Variants in ADCK2 observed in about 807,000 individuals in gnomAD.
ADCK2 encodes uncharacterized aarF domain-containing protein kinase 2.
Under a neutral mutation model 52.3 loss-of-function variants are expected in ADCK2, and 37 were observed. That is an observed-to-expected ratio of 0.71 (90% CI 0.54 to 0.93). ADCK2 has a LOEUF of 0.93. Among genes scored for constraint, ADCK2 ranks in the 40% least tolerant of loss-of-function variants. The probability of loss-of-function intolerance (pLI) is 0.00; values close to 1 mark genes in which losing one functional copy is unlikely to be tolerated. For synonymous variants in ADCK2, 321 were observed against 349.2 expected, an observed-to-expected ratio of 0.92 and a Z score of 0.90; for missense variants, 695 against 798.7, an observed-to-expected ratio of 0.87 and a Z score of 1.56.
intron 4 of ADCK2, among the ~76,000 whole-genome samples, chr7:140,683,131 T>G (rs1794546573): frequency 6.6e-6 from 1 of 151,556 alleles, no homozygotes; most frequent in South Asian, 2.1e-4. Flanking sequence ...TGAAACCCTG[T>G]CTCTACTAAA....
rs774097144 is a variant in ADCK2 at position 140,674,103 on chromosome 7, G to C, written c.773G>C (p.Gly258Ala). 1 of 1,614,166 alleles carries C rather than the reference G, an allele frequency of 6.2e-7. No homozygotes were observed. The highest frequency in any genetic ancestry group is 1.1e-5 in the South Asian group (1 of 91,078). ...CTGAGAGAGCTCTTTGGATACCTTG[G>C]AAATGGCCGGAAACCTCCAGAAAAT... ...GGLRELFGYLGNGRKPPENLA... is the reference protein window; with the variant it reads ...GGLRELFGYLANGRKPPENLA... The change falls in exon 1 of 8, where the codon GGA becomes GCA. Residue 258 changes from glycine (G) to alanine (A), a missense_variant. Transcript: ENST00000072869. This position sits in a 1 kb window ranked among gnomAD's most constrained non-coding sequence, Gnocchi z 4.6.
At chr7:140,675,045 T>C (rs553678551) in intron 2 of ADCK2, among the ~76,000 whole-genome samples, 36 of 152,002 alleles carry the variant, frequency 2.4e-4, no homozygotes, top group Non-Finnish European at 7.4e-5. Context: ...GAGTTCGAGA[T>C]CAGCCTGGCC....
At chr7:140,691,292 C>T (rs906045911) in intron 7 of ADCK2, among the ~76,000 whole-genome samples, 1 of 152,212 alleles carries the variant, frequency 6.6e-6, no homozygotes, top group African/African-American at 2.4e-5. Context: ...AGCTGTTAGT[C>T]TATCTGTCAA....
At chr7:140,689,410 C>CG (rs1164836260) in intron 5 of ADCK2, among the ~76,000 whole-genome samples, 187 bp from the exon 6 acceptor site, 8 of 151,870 alleles carry the variant, frequency 5.3e-5, no homozygotes, top group Non-Finnish European at 1.0e-4. Context: ...CGCAGTGCAG[C>CG]GGGGGTGGGG....
In ADCK2 at chr7:140,679,352, C is replaced by T. The variant is rs572399412; in HGVS notation, c.1209+69C>T. 358 of 1,587,292 alleles carry T rather than the reference C, an allele frequency of 2.3e-4. 2 individuals are homozygous for T. In the South Asian group the frequency reaches 3.7e-3, roughly 16 times the overall value. On this transcript the variant is annotated intron_variant, in intron 3 of 7. Coordinates refer to ENST00000072869, the MANE Select transcript of ADCK2 (RefSeq NM_052853.4). The stretch of plus-strand genomic sequence containing the variant: ...TCGCAGTGGGCCCGTCTCCAGCCCA[C>T]AGAAAGGCTTCAGTCTGGAGAGAGG...
In ADCK2 at chr7:140,673,666, C is replaced by T. The variant is rs746111120; in HGVS notation, c.336C>T (p.Pro112=). ...GCGCTCTGTTGGTGAAATTCTTCCC[C>T]CTCCTACTCCTCTACCCCCTCACCT... is the stretch of plus-strand genomic sequence containing the variant. ...RAGALLVKFF[P]LLLLYPLTYL... is the part of the protein sequence containing the mutation. The change falls in exon 1 of 8, where the codon CCC becomes CCT. Residue 112 remains proline, a synonymous_variant. Transcript: ENST00000072869. The surrounding 1 kb of genome is among the most constrained non-coding windows in gnomAD (Gnocchi z 6.4). The T allele has an allele frequency of 6.2e-7, 1 of 1,611,232 alleles. No individual in the cohort carries two copies. The highest frequency in any genetic ancestry group is 1.7e-5 in the Admixed American group (1 of 60,014).
intron 4 of ADCK2, among the ~76,000 whole-genome samples, chr7:140,686,147 G>A (rs1157100503): frequency 1.3e-5 from 2 of 152,230 alleles, no homozygotes; most frequent in Non-Finnish European, 2.9e-5. Context: ...AAAGAACATA[G>A]AGGTTTGGGG....
chr7:140,692,639 G>A (rs964316235), intron 7 of ADCK2, among the ~76,000 whole-genome samples: 1 of 152,236 alleles, frequency 6.6e-6, no homozygotes, highest in Non-Finnish European at 1.5e-5. Context: ...GATGACAGGC[G>A]TGAGCCACCG....
At chr7:140,677,493 A>G (rs1794440122) in intron 2 of ADCK2, among the ~76,000 whole-genome samples, 1 of 151,880 alleles carries the variant, frequency 6.6e-6, no homozygotes, top group East Asian at 1.9e-4. Context: ...TAGGTCTGTG[A>G]TAGTTGCATC....
chr7:140,674,649 C>T lies in ADCK2; in HGVS notation c.972C>T (p.Asp324=). ...GCCTGCTCGCTCAGGTGCATATGGACCTGCTGCTGATGAAGATTGGCAGCC... is the reference window on the plus strand; with the variant it reads ...GCCTGCTCGCTCAGGTGCATATGGATCTGCTGCTGATGAAGATTGGCAGCC... The part of the protein sequence containing the change: ...HPGLLAQVHM[D]LLLMKIGSRV... Residue 324 remains aspartate (D), a synonymous_variant, in exon 2 of 8, where the codon GAC becomes GAT. Coordinates refer to ENST00000072869, the MANE Select transcript of ADCK2 (RefSeq NM_052853.4). The surrounding 1 kb of genome is among the most constrained non-coding windows in gnomAD (Gnocchi z 4.6). The T allele has an allele frequency of 1.2e-6, 2 of 1,614,066 alleles. No homozygotes were observed. The highest frequency in any genetic ancestry group is 1.7e-6 in the Non-Finnish European group (2 of 1,179,994).
At position 140,678,675 on chromosome 7, in the gene ADCK2, G is replaced by A. The variant is rs1794464252; in HGVS notation, c.1081-480G>A. ...GATAAACCTGGAAGTGGTCCTTTGGGTCTGGTGAGTGGTGGTTGGGGAGAG... is the reference window on the plus strand; with the variant it reads ...GATAAACCTGGAAGTGGTCCTTTGGATCTGGTGAGTGGTGGTTGGGGAGAG... On this transcript the variant is annotated intron_variant, in intron 2 of 7. Transcript: ENST00000072869. This position sits in a 1 kb window ranked among gnomAD's most constrained non-coding sequence, Gnocchi z 4.9. Among the ~76,000 whole-genome samples, 2 of 152,212 alleles carry A rather than the reference G, an allele frequency of 1.3e-5. No individual in the cohort carries two copies. The highest frequency in any genetic ancestry group is 4.1e-4 in the South Asian group (2 of 4,836).
Position 140,685,260 on chromosome 7 carries a change from C to G in ADCK2, c.1306-1730C>G, listed in dbSNP as rs1182862411. 5.3e-5 allele frequency among the ~76,000 whole-genome samples: 8 copies of G among 152,028 alleles called. No individual in the cohort carries two copies. The East Asian group carries it at 1.2e-3, about 22-fold the overall frequency. On this transcript the variant is annotated intron_variant, in intron 4 of 7. Transcript: ENST00000072869. The stretch of plus-strand genomic sequence containing the variant: ...GGTCAGGAGTCTGAGACTAGCCTGG[C>G]CAACGTGGTGAAACCCCGTCTCTAC...
In ADCK2 at chr7:140,673,597, T is replaced by G. The variant is rs761850898; in HGVS notation, c.267T>G (p.Pro89=). The change falls in exon 1 of 8, where the codon CCT becomes CCG. Residue 89 remains proline, a synonymous_variant. Coordinates refer to ENST00000072869, the MANE Select transcript of ADCK2 (RefSeq NM_052853.4). The surrounding 1 kb of genome is among the most constrained non-coding windows in gnomAD (Gnocchi z 6.4). The part of the protein sequence containing the change: ...GPAESLPRAG[P]LGGVFLHLRL... Reference sequence around the variant, plus strand: ...CGGAGAGCCTCCCCCGAGCGGGACCTCTGGGCGGCGTCTTCCTGCATCTCC... The same window carrying G: ...CGGAGAGCCTCCCCCGAGCGGGACCGCTGGGCGGCGTCTTCCTGCATCTCC... 6.2e-7 allele frequency: 1 copy of G among 1,607,180 alleles called. No homozygotes were observed. Among genetic ancestry groups the G allele is most frequent in the Admixed American group, 1.7e-5 (1 of 59,982 alleles).
Position 140,674,828 on chromosome 7 carries a change from T to C in ADCK2, c.1080+71T>C, listed in dbSNP as rs765100856. The C allele has an allele frequency of 1.3e-5, 20 of 1,515,866 alleles. No homozygotes were observed. Among genetic ancestry groups the C allele is most frequent in the Non-Finnish European group, 1.7e-5 (19 of 1,118,176 alleles). 93.9% of individuals were successfully genotyped at this position (1,515,866 alleles called of 1,614,324 possible). A position where few individuals can be genotyped will look rare whatever the true frequency, so the allele number is the denominator to read the frequency against. Reference sequence around the variant, plus strand: ...TTGCCATTAGCTGCTACTTAGTAAATGTTGAATGAATAATTTTCTGGTATG... The same window carrying C: ...TTGCCATTAGCTGCTACTTAGTAAACGTTGAATGAATAATTTTCTGGTATG... On this transcript the variant is annotated intron_variant, in intron 2 of 7. Transcript: ENST00000072869. The surrounding 1 kb of genome is among the most constrained non-coding windows in gnomAD (Gnocchi z 4.6).
Position 140,673,780 on chromosome 7 carries a change from G to C in ADCK2, c.450G>C (p.Gln150His). Residue 150 changes from glutamine to histidine, a missense_variant, in exon 1 of 8, where the codon CAG becomes CAC. Gln to His is a conservative substitution (Grantham distance 24, BLOSUM62 0). Coordinates refer to ENST00000072869, the MANE Select transcript of ADCK2 (RefSeq NM_052853.4). This position sits in a 1 kb window ranked among gnomAD's most constrained non-coding sequence, Gnocchi z 6.4. ...TSGPTYIKLG[Q>H]WASTRRDLFS... ...GCCCAACCTACATCAAACTGGGCCA[G>C]TGGGCCAGCACCCGGCGCGATCTGT... 6.2e-7 allele frequency: 1 copy of C among 1,613,754 alleles called. No homozygotes were observed. Among genetic ancestry groups the C allele is most frequent in the Non-Finnish European group, 8.5e-7 (1 of 1,180,024 alleles).
intron 4 of ADCK2, among the ~76,000 whole-genome samples, chr7:140,683,246 C>A (rs1276628064): frequency 6.6e-6 from 1 of 152,142 alleles, no homozygotes; most frequent in Non-Finnish European, 1.5e-5. Context: ...GATCACAGCA[C>A]TGCACTCCAG....
Position 140,673,547 on chromosome 7 carries a change from A to C in ADCK2, c.217A>C (p.Ser73Arg), listed in dbSNP as rs574217210. ...DVLSRRRVRCSGAAGAGPAES... is the reference protein window; with the variant it reads ...DVLSRRRVRCRGAAGAGPAES... ...TCTGAGTCGGCGAAGGGTCCGCTGC[A>C]GCGGGGCGGCTGGCGCGGGGCCCGC... The change falls in exon 1 of 8, where the codon AGC becomes CGC. Residue 73 changes from serine to arginine, a missense_variant. Transcript: ENST00000072869. The surrounding 1 kb of genome is among the most constrained non-coding windows in gnomAD (Gnocchi z 6.4). 1.2e-6 allele frequency: 2 copies of C among 1,600,808 alleles called. No homozygotes were observed. The highest frequency in any genetic ancestry group is 2.2e-5 in the South Asian group (2 of 90,452).
chr7:140,690,119 G>A (rs1055517065), intron 6 of ADCK2, among the ~76,000 whole-genome samples: 2 of 152,200 alleles, frequency 1.3e-5, no homozygotes, highest in African/African-American at 2.4e-5. Context: ...TTATCCCCAA[G>A]TTCATGGCCA....
At position 140,689,594 on chromosome 7, in the gene ADCK2, C is replaced by T; in HGVS notation, c.1558-3C>T. 6.3e-7 allele frequency: 1 copy of T among 1,588,808 alleles called. No homozygotes were observed. On this transcript the variant is annotated splice_polypyrimidine_tract_variant and splice_region_variant and intron_variant, in intron 5 of 7. Transcript: ENST00000072869. Reference sequence around the variant, plus strand: ...CAAGTCCCTTTTCCGTTGCATTTTCCAGGGCCAGAGAGTGGCTGAGCTGAT... The same window carrying T: ...CAAGTCCCTTTTCCGTTGCATTTTCTAGGGCCAGAGAGTGGCTGAGCTGAT...
Sources: gnomAD v4.1 joint callset for allele counts (sites outside exome capture counted in the v4.1 genomes callset) on GRCh38, gnomAD v4.1.1 for gene constraint, Gnocchi (gnomAD v3.1) non-coding constraint, MANE v1.5 for transcripts, NCBI Gene and HGNC (gene_info 2026-07-23, HGNC 2026-07-21) for gene names.